The following DPP10 variants were observed in gnomAD, a reference collection of about 807,000 sequenced individuals.
The protein encoded by DPP10 is dipeptidyl peptidase like 10.
A neutral mutation model predicts 120.9 loss-of-function variants in DPP10; 33 were observed. That is an observed-to-expected ratio of 0.27 (90% CI 0.21 to 0.37). The LOEUF is 0.37. DPP10 is among the 10% of genes least tolerant of loss of function. The pLI, the probability that DPP10 is intolerant of heterozygous loss-of-function variation, is 1.00. For missense variants in DPP10, 816 were observed against 942.8 expected (o/e 0.87, Z 1.76); for synonymous variants, 337 against 326.1 (o/e 1.03, Z -0.36).
chr2:114,566,477 G>A (rs1689211408), intron 1 of DPP10, among the ~76,000 whole-genome samples: 1 of 152,174 alleles, frequency 6.6e-6, no homozygotes, highest in African/African-American at 2.4e-5. Flanking sequence ...CGTTATCATG[G>A]TGTATTTGTC....
chr2:115,313,254 A>G (rs1299238259), intron 2 of DPP10, among the ~76,000 whole-genome samples: 1 of 152,134 alleles, frequency 6.6e-6, no homozygotes, highest in Non-Finnish European at 1.5e-5. Context: ...TCATAAATTC[A>G]TATAGCTTTT....
At chr2:114,669,647 T>C (rs1284721306) in intron 1 of DPP10, among the ~76,000 whole-genome samples, 1 of 152,134 alleles carries the variant, frequency 6.6e-6, no homozygotes, top group Non-Finnish European at 1.5e-5. Context: ...ACAAATCAGT[T>C]CTATTACCTA....
At chr2:115,679,428 TTGTGAAGGACA>T (rs2090499768) in intron 5 of DPP10, among the ~76,000 whole-genome samples, 2 of 152,194 alleles carry the variant, frequency 1.3e-5, no homozygotes, top group African/African-American at 4.8e-5. Flanking sequence ...TCTTTCTGAC[TTGTGAAGGACA>T]TGTTTGCTTC....
At chr2:115,059,352 C>CTT (rs70941024) in intron 1 of DPP10, among the ~76,000 whole-genome samples, 16,073 of 135,584 alleles carry the variant, frequency 0.12, 1,276 homozygotes, top group East Asian at 0.31. Flanking sequence ...GTAGGTATTT[C>CTT]TTTTTTTTTT....
At chr2:115,199,071 A>T (rs2055497898) in intron 1 of DPP10, among the ~76,000 whole-genome samples, 1 of 152,148 alleles carries the variant, frequency 6.6e-6, no homozygotes, top group South Asian at 2.1e-4. Context: ...TAGTAATAAT[A>T]ATAGCTAACA....
chr2:114,504,364 C>G (rs957049686), intron 1 of DPP10, among the ~76,000 whole-genome samples: 6 of 152,128 alleles, frequency 3.9e-5, no homozygotes, highest in Admixed American at 1.3e-4. Flanking sequence ...ATCCACTTTT[C>G]TCTTTCTGGA....
At chr2:115,813,727 T>C (rs997488333) in intron 19 of DPP10, among the ~76,000 whole-genome samples, 6 of 152,210 alleles carry the variant, frequency 3.9e-5, no homozygotes, top group Non-Finnish European at 7.3e-5. Flanking sequence ...AAAGGTTATT[T>C]GCTGTAGGAA....
intron 12 of DPP10, among the ~76,000 whole-genome samples, chr2:115,767,455 C>T (rs895747177): frequency 1.5e-5 from 2 of 135,772 alleles, no homozygotes; most frequent in African/African-American, 5.6e-5. Context: ...CAGTATCTCT[C>T]TCTCTCTACA....
chr2:115,547,509 C>T (rs1434186393), intron 5 of DPP10, among the ~76,000 whole-genome samples: 2 of 152,136 alleles, frequency 1.3e-5, no homozygotes, highest in Non-Finnish European at 1.5e-5. Flanking sequence ...CACAGTGGCT[C>T]ACGCCTGTAA....
chr2:114,825,025 A>G (rs1032861673), intron 1 of DPP10, among the ~76,000 whole-genome samples: 3 of 152,194 alleles, frequency 2.0e-5, no homozygotes, highest in Admixed American at 6.6e-5. Context: ...CGTGCAGTTA[A>G]CTCAATGCTG....
At chr2:115,089,657 CAGA>C (rs981616952) in intron 1 of DPP10, among the ~76,000 whole-genome samples, 4 of 152,166 alleles carry the variant, frequency 2.6e-5, no homozygotes, top group Non-Finnish European at 5.9e-5. Flanking sequence ...TTTCCTGCTT[CAGA>C]AGAACACAAG....
At chr2:115,384,532 A>C (rs1254294706) in intron 3 of DPP10, among the ~76,000 whole-genome samples, 4 of 131,518 alleles carry the variant, frequency 3.0e-5, no homozygotes, top group African/African-American at 1.1e-4. Context: ...AGGAAGAAGA[A>C]GAAAGAAGAA....
chr2:115,673,722 T>C (rs2149449340), intron 5 of DPP10, among the ~76,000 whole-genome samples: 1 of 152,352 alleles, frequency 6.6e-6, no homozygotes, highest in East Asian at 1.9e-4. Flanking sequence ...TGCTTTTTAC[T>C]CATATTTTGG....
rs999449823 is a variant in DPP10, at chr2:115,680,418, G to T, written c.442-9269G>T. 2.0e-5 allele frequency among the ~76,000 whole-genome samples: 3 copies of T among 151,840 alleles called. No homozygotes were observed. The South Asian group carries it at 6.2e-4, about 31-fold the overall frequency. On this transcript the variant is annotated intron_variant, in intron 5 of 25. Transcript: ENST00000410059. Reference sequence around the variant, plus strand: ...CAAACAAATAAATAAGTCCACAATTGACCAGTAAAAGACAAATTATGTATA... The same window carrying T: ...CAAACAAATAAATAAGTCCACAATTTACCAGTAAAAGACAAATTATGTATA...
At chr2:114,480,221 G>T (rs1175750769) in intron 1 of DPP10, among the ~76,000 whole-genome samples, 1 of 151,080 alleles carries the variant, frequency 6.6e-6, no homozygotes, top group Non-Finnish European at 1.5e-5. Context: ...TGCTGGAGAG[G>T]ATGTGGAGAA....
chr2:114,894,792 G>T (rs1692830098), intron 1 of DPP10, among the ~76,000 whole-genome samples: 1 of 151,906 alleles, frequency 6.6e-6, no homozygotes, highest in African/African-American at 2.4e-5. Flanking sequence ...ATATTTCAAA[G>T]TATTCTTAAA....
At chr2:115,407,302 G>A (rs559901827) in intron 3 of DPP10, among the ~76,000 whole-genome samples, 53 of 152,306 alleles carry the variant, frequency 3.5e-4, no homozygotes, top group African/African-American at 9.4e-4. Context: ...GTTTTGCCAG[G>A]GGACCCTTGG....
chr2:115,664,731 G>C (rs2089303894), intron 5 of DPP10, among the ~76,000 whole-genome samples: 1 of 152,098 alleles, frequency 6.6e-6, no homozygotes, highest in African/African-American at 2.4e-5. Context: ...TCATGATGCA[G>C]GACCAAGGAT....
chr2:114,972,344 G>A (rs1239452380), intron 1 of DPP10, among the ~76,000 whole-genome samples: 5 of 152,150 alleles, frequency 3.3e-5, no homozygotes, highest in Non-Finnish European at 5.9e-5. Context: ...TTGAAGATCC[G>A]TGGCCTCAGT....
Sources: gnomAD v4.1 joint callset for allele counts (sites outside exome capture counted in the v4.1 genomes callset) on GRCh38, gnomAD v4.1.1 for gene constraint, MANE v1.5 for transcripts, NCBI Gene and HGNC (gene_info 2026-07-23, HGNC 2026-07-21) for gene names.